Variants in DPY19L3 observed in about 807,000 individuals in gnomAD.
DPY19L3 encodes the protein protein C-mannosyl-transferase DPY19L3.
DPY19L3 carries 51 observed loss-of-function variants against 92.3 expected under a neutral mutation model. The observed-to-expected ratio is 0.55, with a 90% CI of 0.44 to 0.70. The LOEUF (loss-of-function observed/expected upper bound fraction) is 0.70. Ranked by LOEUF, DPY19L3 falls within the 30% of genes least tolerant of loss-of-function variation. The pLI, the probability that DPY19L3 is intolerant of heterozygous loss-of-function variation, is 0.00. For missense variants in DPY19L3, 706 were observed against 855.9 expected (o/e 0.82, Z 2.18); for synonymous variants, 309 against 315.2 (o/e 0.98, Z 0.21).
intron 3 of DPY19L3, among the ~76,000 whole-genome samples, chr19:32,423,647 A>G (rs539024942): frequency 6.6e-5 from 10 of 152,176 alleles, no homozygotes; most frequent in African/African-American, 2.4e-4. Context: ...ATAATGTTAT[A>G]ATGCATAATA....
At position 32,411,785 on chromosome 19, in the gene DPY19L3, C is replaced by A. The variant is rs150498781; in HGVS notation, c.237+413C>A. On this transcript the variant is annotated intron_variant, in intron 3 of 18. Transcript: ENST00000392250. ...GTTTCAGCATATTGACCAGGCTGAT[C>A]TCGAACTCCTGACCTTGTGATCTGC... The A allele has an allele frequency of 9.8e-4, 174 of 178,078 alleles. 2 individuals are homozygous for A. In the East Asian group the frequency reaches 0.021, roughly 22 times the overall value. The allele number at this position is 178,078 out of a possible 1,614,324, so 11.0% of individuals were successfully genotyped here.
chr19:32,415,932 C>T (rs554702812), intron 3 of DPY19L3, among the ~76,000 whole-genome samples: 4 of 152,274 alleles, frequency 2.6e-5, no homozygotes, highest in African/African-American at 9.6e-5. Context: ...ACTTTGAGGA[C>T]ATGTAAACCA....
chr19:32,450,540 C>CAATAAA lies in DPY19L3; in HGVS notation c.856-2602_856-2597dup, dbSNP rs939244083. Among the ~76,000 whole-genome samples, 27 of 152,152 alleles carry CAATAAA rather than the reference C, an allele frequency of 1.8e-4. 1 individual carries two copies. Among genetic ancestry groups the CAATAAA allele is most frequent in the African/African-American group, 6.0e-4 (25 of 41,508 alleles). On this transcript the variant is annotated intron_variant, in intron 8 of 18. Transcript: ENST00000392250. ...CGGCTGTGCAATAAATAGTGTTCAG[C>CAATAAA]AATAAAAAAGAATGTTGATACATGG...
At chr19:32,432,550 C>G (rs745989944) in intron 3 of DPY19L3, among the ~76,000 whole-genome samples, 166 bp from the exon 4 acceptor site, 6 of 152,078 alleles carry the variant, frequency 3.9e-5, no homozygotes, top group Non-Finnish European at 8.8e-5. Context: ...CCTCACTCAG[C>G]TTTAACAGTG....
chr19:32,429,752 TAGAGA>T (rs1371353850), intron 3 of DPY19L3, among the ~76,000 whole-genome samples: 1 of 151,882 alleles, frequency 6.6e-6, no homozygotes, highest in African/African-American at 2.4e-5. Flanking sequence ...TTAAGGAAGC[TAGAGA>T]AAAGAAAAAT....
intron 8 of DPY19L3, among the ~76,000 whole-genome samples, chr19:32,442,384 C>T (rs921465190): frequency 6.6e-6 from 1 of 152,126 alleles, no homozygotes; most frequent in African/African-American, 2.4e-5. Context: ...TGGAAACAGA[C>T]GCATTCATGA....
rs780123852 is a variant in DPY19L3, at chr19:32,468,799, G to T, written c.1683G>T (p.Leu561=). The T allele has an allele frequency of 9.9e-6, 16 of 1,613,592 alleles. No homozygotes were observed. Among genetic ancestry groups the T allele is most frequent in the Non-Finnish European group, 1.4e-5 (16 of 1,179,718 alleles). The part of the protein sequence containing the change: ...REFYDPDTVE[L]MNWINSNTPR... ...TCTATGATCCAGATACAGTGGAGCT[G>T]ATGAACTGGATTAAGTAAGAGGATT... Residue 561 remains leucine (L), a synonymous_variant, in exon 16 of 19, where the codon CTG becomes CTT. Transcript: ENST00000392250.
chr19:32,422,781 G>C (rs1010387635), intron 3 of DPY19L3, among the ~76,000 whole-genome samples: 6 of 152,152 alleles, frequency 3.9e-5, no homozygotes, highest in African/African-American at 1.4e-4. Context: ...GCAGGATAGA[G>C]TTCTCTGAAG....
intron 15 of DPY19L3, 23 bp from the exon 16 acceptor site, chr19:32,468,708 T>C (rs2145613425): frequency 6.2e-7 from 1 of 1,611,700 alleles, no homozygotes; most frequent in Middle Eastern, 1.7e-4. Flanking sequence ...TTTGTTTTTG[T>C]TTTGTTTTGT....
chr19:32,436,665 G>A, intron 5 of DPY19L3, 98 bp downstream of exon 5: 1 of 1,107,340 alleles, frequency 9.0e-7, no homozygotes, highest in Non-Finnish European at 1.2e-6. Flanking sequence ...ATCTTCAACT[G>A]GTTTAGTAGA....
rs1970135883 is a variant in DPY19L3 at position 32,464,312 on chromosome 19, TTATTTATA to T, written c.1557+336_1557+343del. ...TTATAATGTATTTTCATAAAGATAA[TTATTTATA>T]TATGTATGACAATTTTTCAGTAGCC... On this transcript the variant is annotated intron_variant, in intron 14 of 18. Transcript: ENST00000392250. 2.0e-5 allele frequency among the ~76,000 whole-genome samples: 3 copies of T among 151,396 alleles called. No homozygotes were observed. The South Asian group carries it at 6.3e-4, about 32-fold the overall frequency.
intron 18 of DPY19L3, 184 bp downstream of exon 18, chr19:32,480,741 G>A (rs941856696): frequency 6.1e-5 from 50 of 819,218 alleles, no homozygotes; most frequent in Non-Finnish European, 7.8e-5. Flanking sequence ...TGCCACCGGG[G>A]CTGGGCAAGG....
At chr19:32,418,792 G>A (rs1456944373) in intron 3 of DPY19L3, among the ~76,000 whole-genome samples, 1 of 152,108 alleles carries the variant, frequency 6.6e-6, no homozygotes, top group Non-Finnish European at 1.5e-5. Flanking sequence ...TGAAGTAGTT[G>A]TAATTATTCA....
At chr19:32,467,723 T>TA (rs1970240655) in intron 15 of DPY19L3, 1 of 987,144 alleles carries the variant, frequency 1.0e-6, no homozygotes, top group African/African-American at 1.7e-5. Flanking sequence ...TCTATGCTAA[T>TA]ATGTGAAGTG....
rs1970754743 is a variant in DPY19L3 at position 32,484,684 on chromosome 19, C to G, written c.*2444C>G. ...GGAGGCTGTTCTCTGGTGTTCTCAG[C>G]GCTCCGGCTCCCTCCCTGGAGTTGT... On this transcript the variant is annotated 3_prime_UTR_variant, in exon 19 of 19. Transcript: ENST00000392250. 6.6e-6 allele frequency: 1 copy of G among 152,174 alleles called. No homozygotes were observed. Among genetic ancestry groups the G allele is most frequent in the African/African-American group, 2.4e-5 (1 of 41,430 alleles). 9.4% of individuals were successfully genotyped at this position (152,174 alleles called of 1,614,324 possible). A position where few individuals can be genotyped will look rare whatever the true frequency, so the allele number is the denominator to read the frequency against.
chr19:32,419,816 T>C (rs1968505088), intron 3 of DPY19L3, among the ~76,000 whole-genome samples: 1 of 151,826 alleles, frequency 6.6e-6, no homozygotes, highest in South Asian at 2.1e-4. Flanking sequence ...ACTTTTTTAC[T>C]GCCCTTTATT....
Position 32,422,629 on chromosome 19 carries a change from A to AACACACACACACACACAC in DPY19L3, c.238-10072_238-10055dup, listed in dbSNP as rs66481682. ...AGAACGAGAACAATAAATCAGGAAA[A>AACACACACACACACACAC]ACACACACACACACACACACACACA... On this transcript the variant is annotated intron_variant, in intron 3 of 18. Transcript: ENST00000392250. 1.8e-3 allele frequency among the ~76,000 whole-genome samples: 270 copies of AACACACACACACACACAC among 146,814 alleles called. 2 individuals are homozygous for AACACACACACACACACAC. The highest frequency in any genetic ancestry group is 3.5e-3 in the Middle Eastern group (1 of 284).
chr19:32,438,105 C>G (rs1289508088), intron 6 of DPY19L3, among the ~76,000 whole-genome samples: 2 of 152,042 alleles, frequency 1.3e-5, no homozygotes, highest in Non-Finnish European at 2.9e-5. Flanking sequence ...AGCAGTAGAG[C>G]CTTATGAAAT....
intron 3 of DPY19L3, chr19:32,428,117 A>G (rs2145457871): frequency 6.6e-6 from 1 of 152,016 alleles, no homozygotes; most frequent in African/African-American, 2.4e-5. Flanking sequence ...AATTACAGAC[A>G]TGCACCACAA....
Sources: allele counts gnomAD v4.1 joint callset (sites outside exome capture counted in the v4.1 genomes callset), GRCh38; gene constraint gnomAD v4.1.1; transcripts MANE v1.5; gene names NCBI Gene and HGNC (gene_info 2026-07-23, HGNC 2026-07-21).